The following ANO3 variants were observed in gnomAD, a reference collection of about 807,000 sequenced individuals.
ANO3 encodes the protein anoctamin 3.
A neutral mutation model predicts 144.8 loss-of-function variants in ANO3; 99 were observed. The ratio of observed to expected loss-of-function variants is 0.68; its 90% CI spans 0.58 to 0.81. ANO3 has a LOEUF of 0.81. ANO3 is among the 30% of genes least tolerant of loss of function. The pLI is 0.00. For missense variants in ANO3, 905 were observed against 1,202.2 expected (o/e 0.75, Z 3.66); for synonymous variants, 414 against 392.6 (o/e 1.05, Z -0.64).
chr11:26,192,917 C>CT (rs922056314), intron 1 of ANO3, among the ~76,000 whole-genome samples: 14 of 151,838 alleles, frequency 9.2e-5, no homozygotes, highest in South Asian at 6.2e-4. Context: ...GTATAAATGT[C>CT]TTTTTTTTAT....
chr11:26,624,478 C>G lies in ANO3; in HGVS notation c.1853C>G (p.Ala618Gly), dbSNP rs763977694. The change falls in exon 18 of 27, where the codon GCT becomes GGT. Residue 618 changes from alanine (A) to glycine (G), a missense_variant. Physicochemically the swap from Ala to Gly is moderately conservative, Grantham distance 60. This residue lies in a region of ANO3 where 597 missense variants were observed against 865.1 expected (regional missense o/e 0.69). Transcript: ENST00000256737. ...MLLNLAYEKI[A>G]YLLTNLEYPR... ...TTATTACAGGCTTATGAAAAAATTG[C>G]TTACCTCCTCACCAATTTAGGTAAG... 1 of 1,605,754 alleles carries G rather than the reference C, an allele frequency of 6.2e-7. No individual in the cohort carries two copies. The highest frequency in any genetic ancestry group is 1.7e-5 in the Admixed American group (1 of 59,810).
At chr11:26,261,380 G>A (rs566260132) in intron 1 of ANO3, among the ~76,000 whole-genome samples, 29 of 152,204 alleles carry the variant, frequency 1.9e-4, no homozygotes, top group African/African-American at 6.7e-4. Flanking sequence ...GCCATGCCCT[G>A]AAAGGTTTTC....
At chr11:26,422,648 C>T (rs1857787217) in intron 1 of ANO3, among the ~76,000 whole-genome samples, 1 of 151,924 alleles carries the variant, frequency 6.6e-6, no homozygotes, top group Non-Finnish European at 1.5e-5. Flanking sequence ...CTGATCTGTC[C>T]TCTATTTTTA....
chr11:26,470,507 G>A (rs962314152), intron 4 of ANO3, among the ~76,000 whole-genome samples: 2 of 151,604 alleles, frequency 1.3e-5, no homozygotes, highest in African/African-American at 4.8e-5. Flanking sequence ...GGTGGGGGAG[G>A]ACCACTTCCA....
At chr11:26,522,877 T>A (rs389022) in intron 6 of ANO3, among the ~76,000 whole-genome samples, 110,950 of 152,100 alleles carry the variant, frequency 0.73, 40,978 homozygotes, top group Middle Eastern at 0.81. Context: ...TCATTTTTTT[T>A]AATATAGCCA....
intron 1 of ANO3, among the ~76,000 whole-genome samples, chr11:26,281,657 A>G (rs1323807025): frequency 1.3e-5 from 2 of 152,224 alleles, no homozygotes; most frequent in African/African-American, 2.4e-5. Context: ...GTACAGGTGC[A>G]ATTAAATAAA....
intron 1 of ANO3, among the ~76,000 whole-genome samples, chr11:26,425,320 C>G (rs1242804945): frequency 6.6e-6 from 1 of 152,066 alleles, no homozygotes; most frequent in Non-Finnish European, 1.5e-5. Flanking sequence ...GAAATTATTT[C>G]AAACATTCCC....
intron 4 of ANO3, among the ~76,000 whole-genome samples, chr11:26,500,020 T>A (rs1861128724): frequency 6.6e-6 from 1 of 152,022 alleles, no homozygotes; most frequent in Non-Finnish European, 1.5e-5. Flanking sequence ...CATCTCTATG[T>A]ATTTACCTAC....
Position 26,552,630 on chromosome 11 carries a change from G to A in ANO3, c.1290-619G>A, listed in dbSNP as rs1352831899. On this transcript the variant is annotated intron_variant, in intron 12 of 26. Coordinates refer to ENST00000256737, the MANE Select transcript of ANO3 (RefSeq NM_031418.4). ...GCTGAGAAATTTTCTTAAAGGCAGT[G>A]GACATAAAACTGAAGAGATGTGTCA... Among the ~76,000 whole-genome samples, 8 of 152,076 alleles carry A rather than the reference G, an allele frequency of 5.3e-5. 1 individual carries two copies. Among genetic ancestry groups the A allele is most frequent in the African/African-American group, 1.9e-4 (8 of 41,502 alleles).
chr11:26,346,009 A>G (rs1045928028), intron 1 of ANO3, among the ~76,000 whole-genome samples: 5 of 152,174 alleles, frequency 3.3e-5, no homozygotes, highest in Admixed American at 2.0e-4. Context: ...AAAGGAACTG[A>G]TAACAGTTTG....
chr11:26,292,090 T>G (rs1853971635), intron 1 of ANO3, among the ~76,000 whole-genome samples: 1 of 152,174 alleles, frequency 6.6e-6, no homozygotes, highest in South Asian at 2.1e-4. Context: ...CCATATTTCT[T>G]GGAGGCTTTG....
intron 1 of ANO3, among the ~76,000 whole-genome samples, chr11:26,213,619 A>T (rs1851979103): frequency 6.6e-6 from 1 of 152,162 alleles, no homozygotes. Flanking sequence ...TGCTCAAGGA[A>T]ATAAGAGAGG....
chr11:26,320,627 A>G (rs184153215), intron 1 of ANO3, among the ~76,000 whole-genome samples: 160 of 152,296 alleles, frequency 1.1e-3, no homozygotes, highest in African/African-American at 2.9e-3. Context: ...CTTTTATATT[A>G]AATGCTGTAT....
At chr11:26,499,825 A>C (rs1861119577) in intron 4 of ANO3, among the ~76,000 whole-genome samples, 1 of 151,908 alleles carries the variant, frequency 6.6e-6, no homozygotes, top group Non-Finnish European at 1.5e-5. Context: ...CATGCTATAC[A>C]ATTAATCACC....
chr11:26,230,761 C>T (rs1274168393), intron 1 of ANO3, among the ~76,000 whole-genome samples: 1 of 124,564 alleles, frequency 8.0e-6, no homozygotes, highest in Non-Finnish European at 1.6e-5. Context: ...CCCACTACTG[C>T]ACTCCAGCCT....
At chr11:26,313,935 G>C (rs1564960938) in intron 1 of ANO3, among the ~76,000 whole-genome samples, 2 of 150,658 alleles carry the variant, frequency 1.3e-5, no homozygotes, top group African/African-American at 4.9e-5. Context: ...GATAGAGACA[G>C]AAGTGAGCAT....
intron 3 of ANO3, among the ~76,000 whole-genome samples, chr11:26,457,892 T>G: frequency 6.6e-6 from 1 of 151,988 alleles, no homozygotes; most frequent in East Asian, 1.9e-4. Flanking sequence ...AGCTGTTGTC[T>G]TTTTTTTGTG....
rs901238145 is a variant in ANO3, at chr11:26,531,913, G to A, written c.869+577G>A. Among the ~76,000 whole-genome samples, 3 of 152,124 alleles carry A rather than the reference G, an allele frequency of 2.0e-5. No individual in the cohort carries two copies. The East Asian group carries it at 5.8e-4, about 29-fold the overall frequency. On this transcript the variant is annotated intron_variant, in intron 8 of 26. Transcript: ENST00000256737. ...TGTGTTTCTACATCACACAGGTTGT[G>A]TATATAAAGGAACTTATGACACAGT...
intron 1 of ANO3, among the ~76,000 whole-genome samples, chr11:26,195,517 A>G (rs1025858157): frequency 6.6e-6 from 1 of 152,190 alleles, no homozygotes; most frequent in African/African-American, 2.4e-5. Flanking sequence ...AATGCATTAA[A>G]GGAGGAAACG....
Sources: allele counts gnomAD v4.1 joint callset (sites outside exome capture counted in the v4.1 genomes callset), GRCh38; gene constraint gnomAD v4.1.1; regional missense constraint gnomAD v4.1.1; transcripts MANE v1.5; gene names NCBI Gene and HGNC (gene_info 2026-07-23, HGNC 2026-07-21).